Variants in FMN1 observed in about 807,000 individuals in gnomAD.
FMN1 encodes the protein formin-1.
A neutral mutation model predicts 132.4 loss-of-function variants in FMN1; 110 were observed. That is an observed-to-expected ratio of 0.83 (90% CI 0.71 to 0.97). FMN1 has a LOEUF of 0.97. Ranked by LOEUF, FMN1 falls within the 50% of genes least tolerant of loss-of-function variation. The pLI, the probability that FMN1 is intolerant of heterozygous loss-of-function variation, is 0.00. For missense variants in FMN1, 1,792 were observed against 1,705.3 expected (o/e 1.05, Z -0.90); for synonymous variants, 722 against 651.7 (o/e 1.11, Z -1.64).
chr15:32,863,405 G>A (rs2059320581), intron 16 of FMN1, among the ~76,000 whole-genome samples: 1 of 152,148 alleles, frequency 6.6e-6, no homozygotes, highest in Non-Finnish European at 1.5e-5. Context: ...CTGCACTCCA[G>A]CCTGGGCGAC....
At chr15:32,893,902 T>A (rs1369037148) in intron 15 of FMN1, among the ~76,000 whole-genome samples, 2 of 152,230 alleles carry the variant, frequency 1.3e-5, no homozygotes. Context: ...GTACTACCAA[T>A]AAATCTGCCC....
At chr15:33,048,406 A>C (rs1439536026) in intron 6 of FMN1, among the ~76,000 whole-genome samples, 3 of 152,076 alleles carry the variant, frequency 2.0e-5, no homozygotes, top group Non-Finnish European at 1.5e-5. Flanking sequence ...ACTGATGTTT[A>C]GGACAATTCA....
At chr15:33,096,374 T>C (rs1011052811) in intron 4 of FMN1, among the ~76,000 whole-genome samples, 1 of 152,180 alleles carries the variant, frequency 6.6e-6, no homozygotes, top group Non-Finnish European at 1.5e-5. Context: ...AGTCTGGATA[T>C]TACCTTGATT....
chr15:32,959,582 G>C (rs557929146), intron 9 of FMN1, among the ~76,000 whole-genome samples: 25 of 152,176 alleles, frequency 1.6e-4, no homozygotes, highest in Admixed American at 4.6e-4. Context: ...CTACACAAGT[G>C]CACGGATTCC....
At chr15:33,040,923 T>C (rs904852786) in intron 6 of FMN1, among the ~76,000 whole-genome samples, 95 of 152,354 alleles carry the variant, frequency 6.2e-4, no homozygotes, top group African/African-American at 2.2e-3. Context: ...CACTGGATAC[T>C]TTGGTACTTA....
At chr15:32,851,711 A>G (rs894851292) in intron 17 of FMN1, among the ~76,000 whole-genome samples, 5 of 152,254 alleles carry the variant, frequency 3.3e-5, no homozygotes, top group Admixed American at 6.5e-5. Context: ...ATATAAGGAC[A>G]TTCTGAGAAG....
At chr15:32,857,650 C>G (rs746274665) in intron 16 of FMN1, among the ~76,000 whole-genome samples, 1 of 152,168 alleles carries the variant, frequency 6.6e-6, no homozygotes, top group East Asian at 1.9e-4. Context: ...TCATGCTTCC[C>G]GTTCACCTAC....
intron 6 of FMN1, among the ~76,000 whole-genome samples, chr15:33,060,631 T>G (rs955684336): frequency 6.6e-6 from 1 of 152,200 alleles, no homozygotes; most frequent in African/African-American, 2.4e-5. Context: ...CTAAGTTCTC[T>G]TCTCTACAAA....
intron 4 of FMN1, among the ~76,000 whole-genome samples, chr15:33,098,346 T>C (rs1198199588): frequency 6.6e-6 from 1 of 152,196 alleles, no homozygotes; most frequent in Non-Finnish European, 1.5e-5. Context: ...GCAAAGTGGA[T>C]TCAGTGACCA....
At chr15:32,885,614 GATA>G (rs1333373807) in intron 16 of FMN1, among the ~76,000 whole-genome samples, 1 of 152,158 alleles carries the variant, frequency 6.6e-6, no homozygotes, top group Non-Finnish European at 1.5e-5. Context: ...GCACTTGATA[GATA>G]ATAATGACAC....
At chr15:32,890,003 A>G (rs2059987264) in intron 15 of FMN1, among the ~76,000 whole-genome samples, 1 of 152,200 alleles carries the variant, frequency 6.6e-6, no homozygotes, top group South Asian at 2.1e-4. Flanking sequence ...GCTACCACAT[A>G]TCAGTGAGAA....
chr15:32,809,893 C>G (rs1006537894), intron 17 of FMN1, among the ~76,000 whole-genome samples: 8 of 152,060 alleles, frequency 5.3e-5, no homozygotes, highest in African/African-American at 1.9e-4. Context: ...TTTCTCTCAA[C>G]TATTACCTAG....
chr15:32,831,744 C>CT (rs200268378), intron 17 of FMN1, among the ~76,000 whole-genome samples: 2,166 of 141,148 alleles, frequency 0.015, 47 homozygotes, highest in African/African-American at 0.048. Flanking sequence ...AGAATGCAGC[C>CT]TTTTTTTTTT....
chr15:32,879,249 T>C (rs2059706656), intron 16 of FMN1, among the ~76,000 whole-genome samples: 1 of 152,212 alleles, frequency 6.6e-6, no homozygotes, highest in Admixed American at 6.5e-5. Context: ...TTTTTTATTA[T>C]TTCTAAAACT....
intron 5 of FMN1, among the ~76,000 whole-genome samples, chr15:33,082,599 A>G (rs1355118629): frequency 6.6e-6 from 1 of 152,166 alleles, no homozygotes; most frequent in Non-Finnish European, 1.5e-5. Context: ...GTGCTTCTCT[A>G]GTCTCTGACT....
chr15:32,883,955 TC>T (rs1029264266), intron 16 of FMN1, among the ~76,000 whole-genome samples: 8 of 152,146 alleles, frequency 5.3e-5, no homozygotes, highest in African/African-American at 1.9e-4. Flanking sequence ...GAACAACAGT[TC>T]CAGTTCACAT....
At chr15:32,843,188 C>G (rs1247990881) in intron 17 of FMN1, among the ~76,000 whole-genome samples, 1 of 146,196 alleles carries the variant, frequency 6.8e-6, no homozygotes. Flanking sequence ...CAGATTTGTG[C>G]AATTCTAAAG....
At chr15:32,793,275 CT>C (rs1276339821) in intron 19 of FMN1, among the ~76,000 whole-genome samples, 2 of 151,654 alleles carry the variant, frequency 1.3e-5, no homozygotes, top group East Asian at 1.9e-4. Flanking sequence ...TTTGTGATTT[CT>C]TTTTTTCTTT....
chr15:33,110,721 C>T (rs546663279), intron 4 of FMN1, among the ~76,000 whole-genome samples: 41 of 151,626 alleles, frequency 2.7e-4, no homozygotes, highest in South Asian at 8.3e-4. Context: ...GACTAACAGT[C>T]TTTTATTTAA....
Sources: allele counts gnomAD v4.1 joint callset (sites outside exome capture counted in the v4.1 genomes callset), GRCh38; gene constraint gnomAD v4.1.1; transcripts MANE v1.5; gene names NCBI Gene and HGNC (gene_info 2026-07-23, HGNC 2026-07-21).